The following SH3D19 variants were observed in gnomAD, a reference collection of about 807,000 sequenced individuals.
The protein encoded by SH3D19 is SH3 domain-containing protein 19.
A neutral mutation model predicts 112.1 loss-of-function variants in SH3D19; 58 were observed. The observed-to-expected ratio is 0.52, with a 90% confidence interval of 0.42 to 0.64. The LOEUF (loss-of-function observed/expected upper bound fraction) is 0.64. SH3D19 is among the 30% of genes least tolerant of loss of function. The pLI is 0.00. For missense variants in SH3D19, 1,090 were observed against 1,263.4 expected, an observed-to-expected ratio of 0.86 and a Z score of 2.08; for synonymous variants, 391 against 448.5, an observed-to-expected ratio of 0.87 and a Z score of 1.62.
intron 12 of SH3D19, among the ~76,000 whole-genome samples, chr4:151,142,742 T>C (rs979035430): frequency 1.3e-5 from 2 of 152,108 alleles, no homozygotes; most frequent in Admixed American, 1.3e-4. Context: ...TTCGTAGAGA[T>C]ATTTACCTTA....
At chr4:151,185,052 T>G (rs1391095279) in intron 3 of SH3D19, among the ~76,000 whole-genome samples, 2 of 149,518 alleles carry the variant, frequency 1.3e-5, no homozygotes, top group African/African-American at 2.5e-5. Flanking sequence ...TTTTTTTTTT[T>G]TTTTTTTTTT....
At position 151,325,538 on chromosome 4, in the gene SH3D19, C is replaced by T. The variant is rs1015903958; in HGVS notation, c.-186G>A. The T allele has an allele frequency of 1.3e-5, 4 of 298,484 alleles. No homozygotes were observed. The highest frequency in any genetic ancestry group is 8.9e-5 in the African/African-American group (4 of 45,160). 18.5% of individuals were successfully genotyped at this position (298,484 alleles called of 1,614,324 possible). A position where few individuals can be genotyped will look rare whatever the true frequency, so the allele number is the denominator to read the frequency against. ...CGAACTCCACCTGCAGCCGGCCGGGCAGCGGCAGGGCGCGGGCCGAGCCGA... is the reference window on the plus strand; with the variant it reads ...CGAACTCCACCTGCAGCCGGCCGGGTAGCGGCAGGGCGCGGGCCGAGCCGA... On this transcript the variant is annotated 5_prime_UTR_variant, in exon 1 of 20. Coordinates refer to ENST00000604030, the MANE Select transcript of SH3D19 (RefSeq NM_001378122.1).
At chr4:151,276,032 G>A (rs367707474) in intron 1 of SH3D19, among the ~76,000 whole-genome samples, 11 of 151,706 alleles carry the variant, frequency 7.3e-5, no homozygotes, top group Admixed American at 2.0e-4. Flanking sequence ...TAGTAGAGAC[G>A]GGATTTCACC....
intron 1 of SH3D19, among the ~76,000 whole-genome samples, chr4:151,247,953 C>T (rs1214432905): frequency 6.6e-6 from 1 of 152,092 alleles, no homozygotes; most frequent in African/African-American, 2.4e-5. Context: ...GCTGAGACTT[C>T]CATAAACACA....
At chr4:151,216,112 A>G (rs1217798163) in intron 2 of SH3D19, among the ~76,000 whole-genome samples, 3 of 152,210 alleles carry the variant, frequency 2.0e-5, no homozygotes, top group Non-Finnish European at 4.4e-5. Flanking sequence ...TACAGGCATG[A>G]GCCACCGCGC....
intron 1 of SH3D19, among the ~76,000 whole-genome samples, chr4:151,310,442 T>C (rs758455169): frequency 2.6e-5 from 4 of 152,144 alleles, no homozygotes; most frequent in African/African-American, 9.7e-5. Flanking sequence ...AACTCTTGTA[T>C]GTTGTTGATC....
intron 1 of SH3D19, among the ~76,000 whole-genome samples, chr4:151,240,682 C>T (rs933542654): frequency 9.2e-5 from 14 of 151,884 alleles, no homozygotes; most frequent in African/African-American, 2.9e-4. Context: ...AATCCTCATA[C>T]GCTGCTGGTA....
chr4:151,178,050 C>G (rs1024917352), intron 4 of SH3D19, among the ~76,000 whole-genome samples: 2 of 152,150 alleles, frequency 1.3e-5, no homozygotes, highest in African/African-American at 4.8e-5. Flanking sequence ...GTAGCTGGGA[C>G]TACAGGCACA....
intron 1 of SH3D19, among the ~76,000 whole-genome samples, chr4:151,308,244 A>G (rs930633037): frequency 3.3e-5 from 5 of 152,192 alleles, no homozygotes; most frequent in African/African-American, 1.2e-4. Context: ...GTCCTATTTG[A>G]CAGCTATGTA....
At chr4:151,194,016 ATTTTTTTTTTTTTTTTTTTTT>A (rs201719037) in intron 2 of SH3D19, among the ~76,000 whole-genome samples, 4 of 111,902 alleles carry the variant, frequency 3.6e-5, no homozygotes, top group Admixed American at 3.5e-4. Context: ...AGTAGGATTA[ATTTTTTTTTTTTTTTTTTTTT>A]TTTTTTTTTT....
chr4:151,196,944 A>G (rs558854069), intron 2 of SH3D19, among the ~76,000 whole-genome samples: 1 of 152,310 alleles, frequency 6.6e-6, no homozygotes, highest in South Asian at 2.1e-4. Context: ...ACAATGTGAT[A>G]CCCCTCTACT....
At chr4:151,132,629 A>C (rs1307938731) in intron 16 of SH3D19, among the ~76,000 whole-genome samples, 1 of 152,220 alleles carries the variant, frequency 6.6e-6, no homozygotes, top group Non-Finnish European at 1.5e-5. Context: ...ATTTCTGTTT[A>C]AAAGTCTTTG....
At chr4:151,276,205 G>A (rs1295550622) in intron 1 of SH3D19, among the ~76,000 whole-genome samples, 1 of 152,142 alleles carries the variant, frequency 6.6e-6, no homozygotes, top group African/African-American at 2.4e-5. Flanking sequence ...TTGCAAGAGA[G>A]CAGTAACATT....
intron 11 of SH3D19, among the ~76,000 whole-genome samples, chr4:151,144,654 G>C (rs1753613905): frequency 6.6e-6 from 1 of 152,316 alleles, no homozygotes; most frequent in Admixed American, 6.5e-5. Flanking sequence ...TTCTTACAAT[G>C]GTGGCCTCTG....
intron 9 of SH3D19, among the ~76,000 whole-genome samples, chr4:151,150,322 CATAT>C (rs368581545): frequency 8.1e-6 from 1 of 123,750 alleles, no homozygotes; most frequent in Non-Finnish European, 1.7e-5. Context: ...TATATATATA[CATAT>C]ATATATATAT....
intron 2 of SH3D19, among the ~76,000 whole-genome samples, chr4:151,190,445 G>A (rs1163604308): frequency 2.6e-5 from 4 of 152,142 alleles, no homozygotes; most frequent in African/African-American, 7.2e-5. Context: ...CAGGCCCTGA[G>A]ACCTAGGAGA....
intron 4 of SH3D19, among the ~76,000 whole-genome samples, chr4:151,177,601 A>G (rs895603013): frequency 1.3e-5 from 2 of 152,212 alleles, no homozygotes; most frequent in African/African-American, 4.8e-5. Flanking sequence ...TGCCCACCTC[A>G]GCCTCCCAAA....
At chr4:151,258,914 CCTT>C (rs746863341) in intron 1 of SH3D19, among the ~76,000 whole-genome samples, 34 of 151,676 alleles carry the variant, frequency 2.2e-4, no homozygotes, top group Non-Finnish European at 3.2e-4. Flanking sequence ...TCACGCTGCT[CCTT>C]CTGCTGGGGA....
chr4:151,207,169 G>A (rs888720043), intron 2 of SH3D19, among the ~76,000 whole-genome samples: 2 of 152,142 alleles, frequency 1.3e-5, no homozygotes, highest in Non-Finnish European at 2.9e-5. Context: ...AGTTCTCAGG[G>A]ATGCATGAGA....
Sources: allele counts gnomAD v4.1 joint callset (sites outside exome capture counted in the v4.1 genomes callset), GRCh38; gene constraint gnomAD v4.1.1; transcripts MANE v1.5; gene names NCBI Gene and HGNC (gene_info 2026-07-23, HGNC 2026-07-21).